STON1: variants seen among roughly 807,000 people sequenced by gnomAD.
STON1 encodes the protein stonin 1.
Under a neutral mutation model 60.9 loss-of-function variants are expected in STON1, and 79 were observed. The observed-to-expected ratio is 1.30, with a 90% confidence interval of 1.08 to 1.56. The LOEUF is 1.56. Among genes scored for constraint, STON1 ranks in the 40% most tolerant of loss-of-function variants. The pLI is 0.00. For missense variants in STON1, 1,166 were observed against 858.9 expected (o/e 1.36, Z -4.47); for synonymous variants, 363 against 306.9 (o/e 1.18, Z -1.91).
chr2:48,544,690 C>T (rs1671791996), intron 1 of STON1, among the ~76,000 whole-genome samples: 1 of 152,134 alleles, frequency 6.6e-6, no homozygotes, highest in African/African-American at 2.4e-5. Flanking sequence ...GGATTACAGG[C>T]ACCCACCACC....
chr2:48,572,105 G>A (rs1370963885), intron 1 of STON1, among the ~76,000 whole-genome samples: 2 of 152,186 alleles, frequency 1.3e-5, no homozygotes, highest in Non-Finnish European at 1.5e-5. Flanking sequence ...AGAGGTTGCA[G>A]TGAGCCAAGA....
At chr2:48,590,636 A>AACACACACACACACACACAC (rs6146756) in intron 2 of STON1, among the ~76,000 whole-genome samples, 24,621 of 141,872 alleles carry the variant, frequency 0.17, 2,385 homozygotes, top group East Asian at 0.3. Context: ...ATTTCCTTAT[A>AACACACACACACACACACAC]ACACACACAC....
chr2:48,581,778 C>G lies in STON1; in HGVS notation c.1145C>G (p.Ser382Trp), dbSNP rs1395944350. 1.2e-6 allele frequency: 2 copies of G among 1,614,074 alleles called. No homozygotes were observed. The highest frequency in any genetic ancestry group is 2.2e-5 in the East Asian group (1 of 44,872). ...IEQMLKLGST[S>W]YHDFLDFLTT... ...CAGATGCTGAAGTTGGGGTCCACATCGTACCATGACTTCCTTGACTTTCTG... is the reference window on the plus strand; with the variant it reads ...CAGATGCTGAAGTTGGGGTCCACATGGTACCATGACTTCCTTGACTTTCTG... The change falls in exon 2 of 4, where the codon TCG becomes TGG. Residue 382 changes from serine to tryptophan, a missense_variant. Transcript: ENST00000404752.
intron 1 of STON1, among the ~76,000 whole-genome samples, chr2:48,564,539 T>C (rs1429912281): frequency 1.5e-4 from 7 of 48,206 alleles, no homozygotes; most frequent in African/African-American, 2.2e-4. Context: ...TTCTTCTTCT[T>C]CTTCTTCTTC....
intron 1 of STON1, among the ~76,000 whole-genome samples, chr2:48,552,854 G>GA (rs1203804698): frequency 6.6e-6 from 1 of 152,206 alleles, no homozygotes; most frequent in Non-Finnish European, 1.5e-5. Context: ...TTTTATCACA[G>GA]AAAACATGTA....
At chr2:48,583,144 A>G (rs754819223) in intron 2 of STON1, among the ~76,000 whole-genome samples, 13 of 152,366 alleles carry the variant, frequency 8.5e-5, no homozygotes, top group Middle Eastern at 6.8e-3. Context: ...GCTGGAGTGC[A>G]GTGGCACGAT....
At chr2:48,584,386 G>A (rs1674077911) in intron 2 of STON1, among the ~76,000 whole-genome samples, 2 of 152,070 alleles carry the variant, frequency 1.3e-5, no homozygotes. Flanking sequence ...TCCTGCCTCA[G>A]CCTCCCGAGT....
intron 1 of STON1, among the ~76,000 whole-genome samples, chr2:48,576,431 C>T (rs1286672884): frequency 6.6e-6 from 1 of 151,444 alleles, no homozygotes; most frequent in Non-Finnish European, 1.5e-5. Flanking sequence ...CTCAAGTGAT[C>T]CTCCCGCCTC....
Position 48,580,688 on chromosome 2 carries a change from C to G in STON1, c.55C>G (p.Gln19Glu), listed in dbSNP as rs761489574. 9 of 1,448,474 alleles carry G rather than the reference C, an allele frequency of 6.2e-6. No individual in the cohort carries two copies. The Admixed American group carries it at 1.1e-4, about 17-fold the overall frequency. The allele number at this position is 1,448,474 out of a possible 1,614,324, so 89.7% of individuals were successfully genotyped here. A position where few individuals can be genotyped will look rare whatever the true frequency, so the allele number is the denominator to read the frequency against. ...WVTFDDDPAV[Q>E]SSQKSKNFPL... ...CACCTTTGATGATGATCCTGCTGTTCAATCTTCTCAAAAGTCAAAGAATTT... is the reference window on the plus strand; with the variant it reads ...CACCTTTGATGATGATCCTGCTGTTGAATCTTCTCAAAAGTCAAAGAATTT... Residue 19 changes from glutamine (Q) to glutamate (E), a missense_variant, in exon 2 of 4, where the codon CAA becomes GAA. Coordinates refer to ENST00000404752, the MANE Select transcript of STON1 (RefSeq NM_006873.4).
chr2:48,592,615 A>T (rs1674586742), intron 3 of STON1, among the ~76,000 whole-genome samples: 1 of 147,196 alleles, frequency 6.8e-6, no homozygotes, highest in Non-Finnish European at 1.5e-5. Flanking sequence ...TATTATTATT[A>T]TTATTATTAT....
intron 1 of STON1, among the ~76,000 whole-genome samples, chr2:48,578,969 C>G (rs1190204835): frequency 1.3e-5 from 2 of 151,472 alleles, no homozygotes; most frequent in African/African-American, 4.8e-5. Context: ...TAGTTTCACT[C>G]TTTTGCATGT....
intron 1 of STON1, among the ~76,000 whole-genome samples, chr2:48,542,113 G>A (rs1324595338): frequency 2.0e-5 from 3 of 152,230 alleles, no homozygotes; most frequent in Non-Finnish European, 2.9e-5. Context: ...GCATGTGTAC[G>A]TGTGTCTCTA....
rs562049189 is a variant in STON1 at position 48,538,844 on chromosome 2, C to T, written c.-48+8628C>T. Among the ~76,000 whole-genome samples, 738 of 141,510 alleles carry T rather than the reference C, an allele frequency of 5.2e-3. 6 individuals are homozygous for T. Among genetic ancestry groups the T allele is most frequent in the African/African-American group, 0.018 (692 of 37,928 alleles). 92.8% of individuals were successfully genotyped at this position (141,510 alleles called of 152,430 possible). A position where few individuals can be genotyped will look rare whatever the true frequency, so the allele number is the denominator to read the frequency against. ...TGTTGGCCAGGCTGGTCTCGAACTTCTGGCCTCAAGTGATCCGCCTGCCGC... is the reference window on the plus strand; with the variant it reads ...TGTTGGCCAGGCTGGTCTCGAACTTTTGGCCTCAAGTGATCCGCCTGCCGC... On this transcript the variant is annotated intron_variant, in intron 1 of 3. Transcript: ENST00000404752.
chr2:48,576,185 CTT>C (rs34849002), intron 1 of STON1, among the ~76,000 whole-genome samples: 45 of 63,068 alleles, frequency 7.1e-4, no homozygotes, highest in African/African-American at 2.0e-3. Flanking sequence ...GTTTTCCTTT[CTT>C]TTTTTTTTTT....
chr2:48,532,979 T>G (rs1024144897), intron 1 of STON1, among the ~76,000 whole-genome samples: 6 of 151,894 alleles, frequency 4.0e-5, no homozygotes, highest in Non-Finnish European at 7.4e-5. Flanking sequence ...AAGTGCTAGG[T>G]GTGGTGATTC....
intron 2 of STON1, among the ~76,000 whole-genome samples, chr2:48,587,589 C>T (rs191758903): frequency 2.0e-5 from 3 of 152,122 alleles, no homozygotes; most frequent in Non-Finnish European, 4.4e-5. Flanking sequence ...CTGCGTCCGG[C>T]CTCCCATGAG....
chr2:48,577,822 C>T (rs569271320), intron 1 of STON1, among the ~76,000 whole-genome samples: 2 of 151,850 alleles, frequency 1.3e-5, no homozygotes, highest in South Asian at 2.1e-4. Context: ...CACCATGTTG[C>T]CCAGGCTGAT....
intron 1 of STON1, among the ~76,000 whole-genome samples, chr2:48,544,031 A>G (rs546028997): frequency 3.5e-4 from 54 of 152,328 alleles, no homozygotes; most frequent in African/African-American, 1.3e-3. Flanking sequence ...AGAATTTTAC[A>G]AGACCTAAAA....
intron 2 of STON1, among the ~76,000 whole-genome samples, chr2:48,585,550 C>T (rs1370064609): frequency 5.3e-5 from 8 of 152,168 alleles, no homozygotes; most frequent in African/African-American, 1.9e-4. Flanking sequence ...TGCCTGGCCC[C>T]TGCTTTCTTT....
Sources: allele counts gnomAD v4.1 joint callset (sites outside exome capture counted in the v4.1 genomes callset), GRCh38; gene constraint gnomAD v4.1.1; transcripts MANE v1.5; gene names NCBI Gene and HGNC (gene_info 2026-07-23, HGNC 2026-07-21).